Variants in LNP1 observed in about 807,000 individuals in gnomAD.
LNP1 encodes leukemia NUP98 fusion partner 1.
A neutral mutation model predicts 14.5 loss-of-function variants in LNP1; 12 were observed. The ratio of observed to expected loss-of-function variants is 0.83; its 90% CI spans 0.53 to 1.34. The LOEUF is 1.34. Ranked by LOEUF, LNP1 falls within the 40% of genes most tolerant of loss-of-function variation. The pLI is 0.00. For synonymous variants in LNP1, 75 were observed against 71.4 expected (o/e 1.05, Z -0.26); for missense variants, 198 against 210.9 (o/e 0.94, Z 0.38).
At chr3:100,438,498 A>G (rs964860762) in intron 2 of LNP1, among the ~76,000 whole-genome samples, 1 of 152,166 alleles carries the variant, frequency 6.6e-6, no homozygotes, top group Non-Finnish European at 1.5e-5. Flanking sequence ...TAGTTTACAC[A>G]TTAGGATTCA....
At chr3:100,431,955 A>T in intron 2 of LNP1, among the ~76,000 whole-genome samples, 1 of 136,018 alleles carries the variant, frequency 7.4e-6, no homozygotes, top group East Asian at 2.2e-4. Context: ...TGAACATGCC[A>T]CTGCTTTCCA....
intron 1 of LNP1, among the ~76,000 whole-genome samples, chr3:100,412,253 A>G (rs564864347): frequency 6.6e-6 from 1 of 152,328 alleles, no homozygotes; most frequent in South Asian, 2.1e-4. Flanking sequence ...ATCTGTTCCC[A>G]GAGAGCTAAT....
intron 1 of LNP1, among the ~76,000 whole-genome samples, chr3:100,425,578 C>G (rs551436809): frequency 2.4e-4 from 37 of 152,246 alleles, no homozygotes; most frequent in African/African-American, 8.7e-4. Context: ...TTCTTCTTTG[C>G]TATTATGCAA....
intron 1 of LNP1, among the ~76,000 whole-genome samples, chr3:100,408,729 T>C (rs1230682789): frequency 2.0e-5 from 3 of 152,124 alleles, no homozygotes; most frequent in Non-Finnish European, 2.9e-5. Context: ...AGGCCTGGTA[T>C]TGGGGTCCAA....
chr3:100,429,618 G>A, intron 1 of LNP1, 79 bp from the exon 2 acceptor site: 1 of 932,560 alleles, frequency 1.1e-6, no homozygotes, highest in East Asian at 2.5e-5. Context: ...AAAAAGACCA[G>A]TTTCATTTTG....
At chr3:100,424,100 G>A (rs145743821) in intron 1 of LNP1, among the ~76,000 whole-genome samples, 16 of 152,118 alleles carry the variant, frequency 1.1e-4, no homozygotes, top group Non-Finnish European at 2.2e-4. Flanking sequence ...GAAGAAATAG[G>A]CTTAACTAGG....
At chr3:100,417,017 C>T (rs916169851) in intron 1 of LNP1, among the ~76,000 whole-genome samples, 2 of 152,014 alleles carry the variant, frequency 1.3e-5, no homozygotes, top group Non-Finnish European at 2.9e-5. Context: ...TTCTTTCTTG[C>T]CTTGTTTATC....
intron 1 of LNP1, among the ~76,000 whole-genome samples, chr3:100,405,962 C>G (rs1441044318): frequency 6.6e-6 from 1 of 152,156 alleles, no homozygotes; most frequent in Non-Finnish European, 1.5e-5. Context: ...TTTCTTTGGT[C>G]TACGATATTA....
chr3:100,412,929 T>G (rs1478480705), intron 1 of LNP1, among the ~76,000 whole-genome samples: 1 of 152,154 alleles, frequency 6.6e-6, no homozygotes, highest in Non-Finnish European at 1.5e-5. Flanking sequence ...TGAAATATGG[T>G]CAATGCGAAA....
chr3:100,456,029 A>C lies in LNP1; in HGVS notation c.*103A>C. 7.7e-7 allele frequency: 1 copy of C among 1,293,322 alleles called. No individual in the cohort carries two copies. The highest frequency in any genetic ancestry group is 1.1e-6 in the Non-Finnish European group (1 of 932,820). 80.1% of individuals were successfully genotyped at this position (1,293,322 alleles called of 1,614,324 possible). Reference sequence around the variant, plus strand: ...TGTGGATGGGGGCGGGGTTGGGGGTAAAAACAGCTATAAAAAGCAACTGCA... The same window carrying C: ...TGTGGATGGGGGCGGGGTTGGGGGTCAAAACAGCTATAAAAAGCAACTGCA... On this transcript the variant is annotated 3_prime_UTR_variant, in exon 4 of 4. Coordinates refer to ENST00000383693, the MANE Select transcript of LNP1 (RefSeq NM_001085451.2).
chr3:100,438,150 A>T (rs1196754585), intron 2 of LNP1, among the ~76,000 whole-genome samples: 1 of 152,088 alleles, frequency 6.6e-6, no homozygotes, highest in East Asian at 1.9e-4. Flanking sequence ...TTAACCATTG[A>T]CTACAGGGTG....
intron 1 of LNP1, among the ~76,000 whole-genome samples, chr3:100,426,964 T>C (rs1454879979): frequency 6.6e-6 from 1 of 152,058 alleles, no homozygotes; most frequent in African/African-American, 2.4e-5. Context: ...TTAAAAAATC[T>C]CTCTTTTTTT....
chr3:100,407,928 T>C (rs1706986985), intron 1 of LNP1, among the ~76,000 whole-genome samples: 1 of 152,224 alleles, frequency 6.6e-6, no homozygotes, highest in Admixed American at 6.5e-5. Context: ...CCAAAATTGG[T>C]CTGATTTTAT....
rs770745796 is a variant in LNP1 at position 100,451,714 on chromosome 3, C to G, written c.157-5C>G. ...ACTGTAAATTTTTTCATTCTGTATT[C>G]TCAGCTTCCTGTGCTTCCCAGAATT... On this transcript the variant is annotated splice_polypyrimidine_tract_variant and splice_region_variant and intron_variant, in intron 2 of 3. Coordinates refer to ENST00000383693, the MANE Select transcript of LNP1 (RefSeq NM_001085451.2). The G allele has an allele frequency of 3.6e-5, 56 of 1,561,638 alleles. 1 individual carries two copies. The highest frequency in any genetic ancestry group is 4.3e-5 in the Non-Finnish European group (49 of 1,132,450).
At chr3:100,424,146 T>C (rs1707171417) in intron 1 of LNP1, among the ~76,000 whole-genome samples, 1 of 152,214 alleles carries the variant, frequency 6.6e-6, no homozygotes, top group South Asian at 2.1e-4. Context: ...TTTTCTTTAA[T>C]GTAGTCCAAA....
intron 2 of LNP1, among the ~76,000 whole-genome samples, chr3:100,447,030 A>G (rs540278736): frequency 1.3e-5 from 2 of 152,336 alleles, no homozygotes; most frequent in South Asian, 2.1e-4. Context: ...CCATTGTGGA[A>G]GACAGGGCGG....
At chr3:100,417,800 A>G (rs4928124) in intron 1 of LNP1, among the ~76,000 whole-genome samples, 36,220 of 151,994 alleles carry the variant, frequency 0.24, 5,364 homozygotes, top group Middle Eastern at 0.38. Context: ...TTCATTATCT[A>G]TAATGTCACT....
chr3:100,403,079 C>T (rs1706928295), intron 1 of LNP1, among the ~76,000 whole-genome samples: 2 of 152,178 alleles, frequency 1.3e-5, no homozygotes, highest in African/African-American at 4.8e-5. Context: ...ATTGATGGTA[C>T]TGTAGAGCCA....
intron 1 of LNP1, among the ~76,000 whole-genome samples, chr3:100,405,872 A>G (rs879084259): frequency 6.6e-6 from 1 of 152,240 alleles, no homozygotes; most frequent in East Asian, 1.9e-4. Flanking sequence ...TTGAGCTGAA[A>G]GACTTTTAAA....
Sources: gnomAD v4.1 joint callset for allele counts (sites outside exome capture counted in the v4.1 genomes callset) on GRCh38, gnomAD v4.1.1 for gene constraint, MANE v1.5 for transcripts, NCBI Gene and HGNC (gene_info 2026-07-23, HGNC 2026-07-21) for gene names.